The following TGM3 variants were observed in gnomAD, a reference collection of about 807,000 sequenced individuals.
TGM3 encodes protein-glutamine gamma-glutamyltransferase E.
Under a neutral mutation model 73.8 loss-of-function variants are expected in TGM3, and 52 were observed. The ratio of observed to expected loss-of-function variants is 0.70; its 90% CI spans 0.56 to 0.89. The LOEUF is 0.89. Ranked by LOEUF, TGM3 falls within the 40% of genes least tolerant of loss-of-function variation. The pLI is 0.00. For synonymous variants in TGM3, 372 were observed against 354.9 expected (o/e 1.05, Z -0.54); for missense variants, 928 against 909.9 (o/e 1.02, Z -0.26).
rs111932246 is a variant in TGM3 at position 2,334,379 on chromosome 20, T to C, written c.1643-737T>C. Among the ~76,000 whole-genome samples, 10 of 152,244 alleles carry C rather than the reference T, an allele frequency of 6.6e-5. No homozygotes were observed. Among genetic ancestry groups the C allele is most frequent in the African/African-American group, 2.4e-4 (10 of 41,538 alleles). ...CACATGTGACACAGAAGAAGAGTGA[T>C]TTAGAAAACAAAACAGAACAAAACG... On this transcript the variant is annotated intron_variant, in intron 10 of 12. Coordinates refer to ENST00000381458, the MANE Select transcript of TGM3 (RefSeq NM_003245.4). The surrounding 1 kb of genome is among the most constrained non-coding windows in gnomAD (Gnocchi z 4.0).
At chr20:2,336,030 C>T (rs184407627) in intron 11 of TGM3, among the ~76,000 whole-genome samples, 32 of 152,352 alleles carry the variant, frequency 2.1e-4, no homozygotes, top group Non-Finnish European at 3.5e-4. Context: ...ACAAAGACCC[C>T]TCTTTCTCTG....
At position 2,332,524 on chromosome 20, in the gene TGM3, C is replaced by T. The variant is rs1411065617; in HGVS notation, c.1642+214C>T. Among the ~76,000 whole-genome samples, 1 of 152,060 alleles carries T rather than the reference C, an allele frequency of 6.6e-6. No individual in the cohort carries two copies. Among genetic ancestry groups the T allele is most frequent in the Non-Finnish European group, 1.5e-5 (1 of 68,026 alleles). On this transcript the variant is annotated intron_variant, in intron 10 of 12. Coordinates refer to ENST00000381458, the MANE Select transcript of TGM3 (RefSeq NM_003245.4). The surrounding 1 kb of genome is among the most constrained non-coding windows in gnomAD (Gnocchi z 4.4). ...TGTCAGGGTGGTGCCAACCAAAATC[C>T]TTTTACGCCCCAAGGGAGGAAGGAG...
intron 1 of TGM3, among the ~76,000 whole-genome samples, chr20:2,297,504 A>G (rs773520045): frequency 1.1e-4 from 17 of 152,142 alleles, no homozygotes; most frequent in Admixed American, 2.6e-4. Flanking sequence ...GCCCCCAGGA[A>G]TGTGCACCTC....
Position 2,309,664 on chromosome 20 carries a change from A to G in TGM3, c.15A>G (p.Gly5=). The change falls in exon 2 of 13, where the codon GGA becomes GGG. Residue 5 remains glycine (G), a synonymous_variant. Coordinates refer to ENST00000381458, the MANE Select transcript of TGM3 (RefSeq NM_003245.4). The stretch of plus-strand genomic sequence containing the variant: ...CTCCTTTCTGCCTCACAGCTCTAGG[A>G]GTCCAGAGTATCAACTGGCAGACGG... MAAL[G]VQSINWQTAF... is the part of the protein sequence containing the mutation. 6.2e-7 allele frequency: 1 copy of G among 1,613,886 alleles called. No individual in the cohort carries two copies. Among genetic ancestry groups the G allele is most frequent in the African/African-American group, 1.3e-5 (1 of 75,032 alleles).
chr20:2,322,247 A>G (rs1017159903), intron 7 of TGM3, among the ~76,000 whole-genome samples: 12 of 152,174 alleles, frequency 7.9e-5, no homozygotes, highest in African/African-American at 2.7e-4. Context: ...TCTTATTCAC[A>G]TATCTTCAAC....
intron 11 of TGM3, among the ~76,000 whole-genome samples, chr20:2,338,231 T>C (rs1322299819): frequency 6.6e-6 from 1 of 152,216 alleles, no homozygotes; most frequent in African/African-American, 2.4e-5. Context: ...CAAAGGGTGA[T>C]GTCCTCCCAA....
rs926094219 is a variant in TGM3 at position 2,334,154 on chromosome 20, G to A, written c.1643-962G>A. Among the ~76,000 whole-genome samples, 5 of 152,174 alleles carry A rather than the reference G, an allele frequency of 3.3e-5. No individual in the cohort carries two copies. Among genetic ancestry groups the A allele is most frequent in the Admixed American group, 2.6e-4 (4 of 15,280 alleles). On this transcript the variant is annotated intron_variant, in intron 10 of 12. Coordinates refer to ENST00000381458, the MANE Select transcript of TGM3 (RefSeq NM_003245.4). This position sits in a 1 kb window ranked among gnomAD's most constrained non-coding sequence, Gnocchi z 4.0. ...GGACTTAAAGCGTGGGGAAGGAGCC[G>A]GATGCATGGAGAGAAGCCAGGGGAG... is the stretch of plus-strand genomic sequence containing the variant.
chr20:2,321,065 T>C (rs2084260217), intron 7 of TGM3, among the ~76,000 whole-genome samples: 1 of 152,186 alleles, frequency 6.6e-6, no homozygotes, highest in Non-Finnish European at 1.5e-5. Flanking sequence ...CCTCTGCCTC[T>C]GAATACCTGC....
chr20:2,314,932 A>T (rs1045052821), intron 5 of TGM3, among the ~76,000 whole-genome samples: 7 of 152,200 alleles, frequency 4.6e-5, no homozygotes, highest in African/African-American at 1.7e-4. Flanking sequence ...TGCATGATAA[A>T]TATCCGGGGT....
At chr20:2,311,870 CT>C (rs545205712) in intron 4 of TGM3, among the ~76,000 whole-genome samples, 99 of 152,004 alleles carry the variant, frequency 6.5e-4, no homozygotes, top group African/African-American at 2.4e-3. Flanking sequence ...AGAAAGGAGC[CT>C]TTGATCAGGA....
At chr20:2,330,342 C>T (rs2084313387) in intron 9 of TGM3, among the ~76,000 whole-genome samples, 1 of 152,232 alleles carries the variant, frequency 6.6e-6, no homozygotes, top group Non-Finnish European at 1.5e-5. Context: ...TTCAAGGTCC[C>T]AGGCACAGAA....
At chr20:2,327,425 C>T (rs367564448) in intron 8 of TGM3, among the ~76,000 whole-genome samples, 2 of 151,992 alleles carry the variant, frequency 1.3e-5, no homozygotes, top group African/African-American at 2.4e-5. Context: ...TGCAATGAGT[C>T]GAGATTGCAC....
Position 2,341,046 on chromosome 20 carries a change from C to T in TGM3, c.*465C>T, listed in dbSNP as rs1262816550. 2.3e-6 allele frequency: 1 copy of T among 427,376 alleles called. No homozygotes were observed. Among genetic ancestry groups the T allele is most frequent in the Non-Finnish European group, 4.8e-6 (1 of 210,136 alleles). 26.5% of individuals were successfully genotyped at this position (427,376 alleles called of 1,614,324 possible). ...ACCTGCCCCAGCACTCACACCCTAA[C>T]TCAAAATAAATGTTAAATAAGTGCG... On this transcript the variant is annotated 3_prime_UTR_variant, in exon 13 of 13. Transcript: ENST00000381458.
chr20:2,336,480 C>G (rs1020485614), intron 11 of TGM3, among the ~76,000 whole-genome samples: 6 of 151,686 alleles, frequency 4.0e-5, no homozygotes, highest in Admixed American at 3.9e-4. Flanking sequence ...CAGGAAGAGC[C>G]AGATAATCAT....
intron 9 of TGM3, among the ~76,000 whole-genome samples, chr20:2,329,685 C>A (rs1018506350): frequency 6.6e-6 from 1 of 152,082 alleles, no homozygotes; most frequent in Non-Finnish European, 1.5e-5. Flanking sequence ...GAACTCTAGC[C>A]CTACCAGCCA....
chr20:2,330,872 G>A (rs1296494063), intron 9 of TGM3, among the ~76,000 whole-genome samples: 1 of 151,860 alleles, frequency 6.6e-6, no homozygotes, highest in Non-Finnish European at 1.5e-5. Flanking sequence ...TGGGCTTGGT[G>A]GCGGGCACCT....
At chr20:2,317,822 C>A (rs1476022179) in intron 7 of TGM3, among the ~76,000 whole-genome samples, 1 of 151,740 alleles carries the variant, frequency 6.6e-6, no homozygotes, top group Non-Finnish European at 1.5e-5. Flanking sequence ...GAAACTATTG[C>A]TTTTCCAGCA....
intron 5 of TGM3, among the ~76,000 whole-genome samples, chr20:2,314,470 T>A (rs1358100787): frequency 6.6e-6 from 1 of 151,246 alleles, no homozygotes; most frequent in Non-Finnish European, 1.5e-5. Context: ...AGGCAGAGAA[T>A]CACTTGAGCC....
chr20:2,328,459 GC>G lies in TGM3; in HGVS notation c.1333+95del. On this transcript the variant is annotated intron_variant, in intron 9 of 12. Transcript: ENST00000381458. This position sits in a 1 kb window ranked among gnomAD's most constrained non-coding sequence, Gnocchi z 5.2. ...GAGGAGAAAAGTCCTCACCTCCCCC[GC>G]ACTGGCAGCCAGTTCTGCCTGAATG... 1 of 1,514,930 alleles carries G rather than the reference GC, an allele frequency of 6.6e-7. No homozygotes were observed. The allele number at this position is 1,514,930 out of a possible 1,614,324, so 93.8% of individuals were successfully genotyped here.
Sources: gnomAD v4.1 joint callset for allele counts (sites outside exome capture counted in the v4.1 genomes callset) on GRCh38, gnomAD v4.1.1 for gene constraint, Gnocchi (gnomAD v3.1) non-coding constraint, MANE v1.5 for transcripts, NCBI Gene and HGNC (gene_info 2026-07-23, HGNC 2026-07-21) for gene names.